Variants in LRFN2 observed in about 807,000 individuals in gnomAD.
LRFN2 encodes the protein leucine rich repeat and fibronectin type III domain containing 2, also known as leucine-rich repeat and fibronectin type-III domain-containing protein 2.
LRFN2 carries 18 observed loss-of-function variants against 37.3 expected under a neutral mutation model. That is an observed-to-expected ratio of 0.48 (90% CI 0.33 to 0.72). The LOEUF is 0.72. Ranked by LOEUF, LRFN2 falls within the 30% of genes least tolerant of loss-of-function variation. The probability of loss-of-function intolerance (pLI) is 0.02; values close to 1 mark genes in which losing one functional copy is unlikely to be tolerated. For missense variants in LRFN2, 1,006 were observed against 1,060.7 expected, an observed-to-expected ratio of 0.95 and a Z score of 0.72; for synonymous variants, 556 against 466.6, an observed-to-expected ratio of 1.19 and a Z score of -2.47.
At position 40,548,793 on chromosome 6, in the gene LRFN2, C is replaced by T. The variant is rs532740029; in HGVS notation, c.-19+38148G>A. Among the ~76,000 whole-genome samples the T allele has an allele frequency of 3.3e-5, 5 of 152,332 alleles. No individual in the cohort carries two copies. The East Asian group carries it at 9.6e-4, about 29-fold the overall frequency. On this transcript the variant is annotated intron_variant, in intron 1 of 2. Transcript: ENST00000338305. ...CTCTGCCCTATGAACATGCAGCCTA[C>T]ATCTGCTAGAGCTGCTATAGCCATC...
intron 1 of LRFN2, among the ~76,000 whole-genome samples, chr6:40,529,418 G>T (rs1766309641): frequency 6.6e-6 from 1 of 152,198 alleles, no homozygotes; most frequent in African/African-American, 2.4e-5. Context: ...GGACCAAACT[G>T]CCTACCATGC....
intron 2 of LRFN2, among the ~76,000 whole-genome samples, chr6:40,409,409 A>G (rs7769606): frequency 0.012 from 1,817 of 152,268 alleles, 38 homozygotes; most frequent in African/African-American, 0.041. Context: ...CAGCAATCAT[A>G]TGGTGTCTTT....
rs58462773 is a variant in LRFN2, at chr6:40,533,374, AACACACAC to A, written c.-19+53559_-19+53566del. Among the ~76,000 whole-genome samples the A allele has an allele frequency of 1.1e-3, 156 of 143,066 alleles. 1 individual carries two copies. Among genetic ancestry groups the A allele is most frequent in the Non-Finnish European group, 9.6e-4 (63 of 65,528 alleles). The allele number at this position is 143,066 out of a possible 152,430, so 93.9% of individuals were successfully genotyped here. ...TCTACTTTACTCCTCTCTTGCTCAA[AACACACAC>A]ACACACACACACACACACACACACA... On this transcript the variant is annotated intron_variant, in intron 1 of 2. Coordinates refer to ENST00000338305, the MANE Select transcript of LRFN2 (RefSeq NM_020737.3).
At chr6:40,468,599 T>C (rs1764524880) in intron 1 of LRFN2, among the ~76,000 whole-genome samples, 1 of 152,054 alleles carries the variant, frequency 6.6e-6, no homozygotes, top group Non-Finnish European at 1.5e-5. Flanking sequence ...AGTAGTGAGA[T>C]TAAACCAGAT....
intron 1 of LRFN2, among the ~76,000 whole-genome samples, chr6:40,486,886 G>A (rs1016382123): frequency 6.6e-6 from 1 of 152,194 alleles, no homozygotes; most frequent in Admixed American, 6.5e-5. Flanking sequence ...GCATGCCACA[G>A]TGGTTTTATT....
chr6:40,439,038 C>A (rs1763764016), intron 1 of LRFN2, among the ~76,000 whole-genome samples: 1 of 152,264 alleles, frequency 6.6e-6, no homozygotes, highest in South Asian at 2.1e-4. Flanking sequence ...GGCTTTCCCC[C>A]CAGCCAGGGG....
rs745876256 is a variant in LRFN2 at position 40,392,949 on chromosome 6, TG to T, written c.1401-38del. The T allele has an allele frequency of 8.1e-7, 1 of 1,233,792 alleles. No homozygotes were observed. Among genetic ancestry groups the T allele is most frequent in the Non-Finnish European group, 1.0e-6 (1 of 971,378 alleles). 76.4% of individuals were successfully genotyped at this position (1,233,792 alleles called of 1,614,324 possible). A position where few individuals can be genotyped will look rare whatever the true frequency, so the allele number is the denominator to read the frequency against. ...GGTGGACAGAAATAGTGAGGGGTGGTGGGGTGGAAGGACAGGGTGATGGGGA... is the reference window on the plus strand; with the variant it reads ...GGTGGACAGAAATAGTGAGGGGTGGTGGGTGGAAGGACAGGGTGATGGGGA... On this transcript the variant is annotated intron_variant, in intron 2 of 2. Coordinates refer to ENST00000338305, the MANE Select transcript of LRFN2 (RefSeq NM_020737.3). This position sits in a 1 kb window ranked among gnomAD's most constrained non-coding sequence, Gnocchi z 4.7.
At position 40,392,485 on chromosome 6, in the gene LRFN2, C is replaced by G; in HGVS notation, c.1828G>C (p.Asp610His). The change falls in exon 3 of 3, where the codon GAC becomes CAC. Residue 610 changes from aspartate to histidine, a missense_variant. Physicochemically the swap from Asp to His is moderately conservative, Grantham distance 81 (BLOSUM62 -1). Transcript: ENST00000338305. This position sits in a 1 kb window ranked among gnomAD's most constrained non-coding sequence, Gnocchi z 4.7. ...PKVVVRNELLDFTASLARASD... is the reference protein window; with the variant it reads ...PKVVVRNELLHFTASLARASD... Reference sequence around the variant, plus strand: ...GCGCGGGCCAGGCTGGCGGTGAAGTCCAGGAGCTCGTTGCGCACCACCACC... The same window carrying G: ...GCGCGGGCCAGGCTGGCGGTGAAGTGCAGGAGCTCGTTGCGCACCACCACC... 2 of 1,574,954 alleles carry G rather than the reference C, an allele frequency of 1.3e-6. No homozygotes were observed. The highest frequency in any genetic ancestry group is 8.6e-7 in the Non-Finnish European group (1 of 1,161,176).
At chr6:40,524,558 G>A (rs1484461227) in intron 1 of LRFN2, among the ~76,000 whole-genome samples, 1 of 152,128 alleles carries the variant, frequency 6.6e-6, no homozygotes, top group Non-Finnish European at 1.5e-5. Context: ...TTTCTTGGAG[G>A]CCTGGCTCAC....
At chr6:40,550,770 C>T (rs680172) in intron 1 of LRFN2, among the ~76,000 whole-genome samples, 18,431 of 152,062 alleles carry the variant, frequency 0.12, 1,336 homozygotes, top group Non-Finnish European at 0.16. Context: ...CAAGTCAGTG[C>T]CTAGGCCATA....
chr6:40,504,813 G>T (rs181663050), intron 1 of LRFN2, among the ~76,000 whole-genome samples: 232 of 152,246 alleles, frequency 1.5e-3, no homozygotes, highest in Middle Eastern at 3.4e-3. Context: ...ATAGTAGCTT[G>T]GTTTCACATG....
At chr6:40,431,657 C>T in intron 2 of LRFN2, 57 bp downstream of exon 2, 1 of 1,445,594 alleles carries the variant, frequency 6.9e-7, no homozygotes, top group East Asian at 2.3e-5. Context: ...CCTCCCCATC[C>T]CCTCCTCCTT....
chr6:40,549,832 G>A (rs1040696283), intron 1 of LRFN2, among the ~76,000 whole-genome samples: 1 of 152,072 alleles, frequency 6.6e-6, no homozygotes, highest in Non-Finnish European at 1.5e-5. Context: ...GAGGTAAGGA[G>A]TTCAAAACCA....
chr6:40,525,542 T>A (rs1371883570), intron 1 of LRFN2, among the ~76,000 whole-genome samples: 1 of 152,182 alleles, frequency 6.6e-6, no homozygotes, highest in Non-Finnish European at 1.5e-5. Flanking sequence ...TAATGCAATC[T>A]CTCAATCTAC....
intron 1 of LRFN2, among the ~76,000 whole-genome samples, chr6:40,511,097 A>G (rs1765693575): frequency 6.6e-6 from 1 of 152,084 alleles, no homozygotes; most frequent in African/African-American, 2.4e-5. Context: ...CACAGAGTTG[A>G]GTTATCATGC....
At chr6:40,579,617 C>CAG (rs1767357446) in intron 1 of LRFN2, among the ~76,000 whole-genome samples, 1 of 151,268 alleles carries the variant, frequency 6.6e-6, no homozygotes, top group African/African-American at 2.4e-5. Context: ...CACACAAACA[C>CAG]ACACACACAC....
intron 2 of LRFN2, among the ~76,000 whole-genome samples, chr6:40,398,467 A>G (rs1471925880): frequency 6.6e-6 from 1 of 151,846 alleles, no homozygotes; most frequent in African/African-American, 2.4e-5. Context: ...TCACAGGCAC[A>G]TGCAGGTCAG....
At chr6:40,536,218 G>A (rs1471887891) in intron 1 of LRFN2, among the ~76,000 whole-genome samples, 1 of 152,074 alleles carries the variant, frequency 6.6e-6, no homozygotes, top group East Asian at 1.9e-4. Flanking sequence ...TGGGGGGCCG[G>A]TTCTGTCCAC....
intron 1 of LRFN2, among the ~76,000 whole-genome samples, chr6:40,441,039 A>C (rs1763823777): frequency 6.6e-6 from 1 of 152,242 alleles, no homozygotes; most frequent in Non-Finnish European, 1.5e-5. Context: ...AGGGAAATAA[A>C]AAATGATCTA....
Sources: allele counts gnomAD v4.1 joint callset (sites outside exome capture counted in the v4.1 genomes callset), GRCh38; gene constraint gnomAD v4.1.1; non-coding constraint Gnocchi (gnomAD v3.1); transcripts MANE v1.5; gene names NCBI Gene and HGNC (gene_info 2026-07-23, HGNC 2026-07-21).